Variants in TGFBI observed in about 807,000 individuals in gnomAD.
TGFBI encodes the protein transforming growth factor-beta-induced protein ig-h3.
Under a neutral mutation model 73.7 loss-of-function variants are expected in TGFBI, and 50 were observed. The observed-to-expected ratio is 0.68, with a 90% CI of 0.54 to 0.86. TGFBI has a LOEUF of 0.86. TGFBI is among the 40% of genes least tolerant of loss of function. The pLI, the probability that TGFBI is intolerant of heterozygous loss-of-function variation, is 0.00. For synonymous variants in TGFBI, 362 were observed against 360.5 expected, an observed-to-expected ratio of 1.00 and a Z score of -0.05; for missense variants, 839 against 877.0, an observed-to-expected ratio of 0.96 and a Z score of 0.55.
chr5:136,047,574 A>G, intron 6 of TGFBI, 154 bp downstream of exon 6: 1 of 868,682 alleles, frequency 1.2e-6, no homozygotes, highest in Non-Finnish European at 1.8e-6. Flanking sequence ...TGGAGAATTC[A>G]TTGACCAGAC....
Position 136,062,647 on chromosome 5 carries a change from T to A in TGFBI, c.1987-16T>A. On this transcript the variant is annotated splice_polypyrimidine_tract_variant and intron_variant, in intron 15 of 16. Transcript: ENST00000442011. ...AACTTTCACTAGAAAACCTGACACC[T>A]TGTGTTTTCTTTCAGGCTTCCCAGA... 1 of 1,560,646 alleles carries A rather than the reference T, an allele frequency of 6.4e-7. No homozygotes were observed. The highest frequency in any genetic ancestry group is 2.4e-5 in the East Asian group (1 of 42,198).
chr5:136,033,319 G>C lies in TGFBI; in HGVS notation c.135-444G>C, dbSNP rs1057239788. Reference sequence around the variant, plus strand: ...TTAAATGGGAGAGCATCCCCTATCAGGGTCCTGAGAGCAACCAGCCATGGT... The same window carrying C: ...TTAAATGGGAGAGCATCCCCTATCACGGTCCTGAGAGCAACCAGCCATGGT... On this transcript the variant is annotated intron_variant, in intron 1 of 16. Transcript: ENST00000442011. Among the ~76,000 whole-genome samples the C allele has an allele frequency of 1.2e-4, 18 of 152,130 alleles. 2 individuals carry two copies. Among genetic ancestry groups the C allele is most frequent in the Admixed American group, 1.0e-3 (16 of 15,274 alleles).
Position 136,047,333 on chromosome 5 carries a change from G to C in TGFBI, c.684G>C (p.Val228=). 6.2e-7 allele frequency: 1 copy of C among 1,613,740 alleles called. No homozygotes were observed. Among genetic ancestry groups the C allele is most frequent in the Non-Finnish European group, 8.5e-7 (1 of 1,179,836 alleles). The change falls in exon 6 of 17, where the codon GTG becomes GTC. Residue 228 remains valine (V), a synonymous_variant. Coordinates refer to ENST00000442011, the MANE Select transcript of TGFBI (RefSeq NM_000358.3). The part of the protein sequence containing the change: ...LKADHHATNG[V]VHLIDKVIST... Reference sequence around the variant, plus strand: ...CCGACCACCATGCAACCAACGGGGTGGTGCACCTCATCGATAAGGTCATCT... The same window carrying C: ...CCGACCACCATGCAACCAACGGGGTCGTGCACCTCATCGATAAGGTCATCT...
intron 1 of TGFBI, 45 bp downstream of exon 1, chr5:136,029,234 C>T: frequency 7.0e-7 from 1 of 1,424,692 alleles, no homozygotes. Context: ...GTCAGGTAGT[C>T]GGGGCTCGGA....
In TGFBI at chr5:136,049,551, G is replaced by A. The variant is rs754690721; in HGVS notation, c.884G>A (p.Arg295His). The A allele has an allele frequency of 1.3e-5, 21 of 1,613,624 alleles. No homozygotes were observed. Among genetic ancestry groups the A allele is most frequent in the East Asian group, 4.5e-5 (2 of 44,890 alleles). Reference sequence around the variant, plus strand: ...AAGATCCCTAGTGAGACTTTGAACCGTATCCTGGGCGACCCAGAAGCCCTG... The same window carrying A: ...AAGATCCCTAGTGAGACTTTGAACCATATCCTGGGCGACCCAGAAGCCCTG... ...FEKIPSETLN[R>H]ILGDPEALRD... The change falls in exon 7 of 17, where the codon CGT becomes CAT. Residue 295 changes from arginine (R) to histidine (H), a missense_variant. Coordinates refer to ENST00000442011, the MANE Select transcript of TGFBI (RefSeq NM_000358.3).
chr5:136,035,688 A>G (rs1751208448), intron 2 of TGFBI, among the ~76,000 whole-genome samples: 1 of 151,874 alleles, frequency 6.6e-6, no homozygotes, highest in African/African-American at 2.4e-5. Context: ...CCATGTGTGT[A>G]TATTATCTAC....
chr5:136,062,603 C>T (rs1358507611), intron 15 of TGFBI, 60 bp from the exon 16 acceptor site: 19 of 1,529,840 alleles, frequency 1.2e-5, no homozygotes, highest in Non-Finnish European at 1.7e-5. Context: ...AAGCCATTGT[C>T]ATAAGCAGTT....
In TGFBI at chr5:136,031,601, T is replaced by A. The variant is rs145223000; in HGVS notation, c.135-2162T>A. 6.6e-5 allele frequency among the ~76,000 whole-genome samples: 10 copies of A among 152,328 alleles called. 1 individual carries two copies. The East Asian group carries it at 1.9e-3, about 29-fold the overall frequency. ...GAGTAATAACTATGATATGGTCTCT[T>A]GACTCCCAGCTATATCTGTGTTGCT... On this transcript the variant is annotated intron_variant, in intron 1 of 16. Transcript: ENST00000442011.
In TGFBI at chr5:136,046,385, A is replaced by G; in HGVS notation, c.349A>G (p.Thr117Ala). 2 of 1,613,898 alleles carry G rather than the reference A, an allele frequency of 1.2e-6. No individual in the cohort carries two copies. Among genetic ancestry groups the G allele is most frequent in the Non-Finnish European group, 1.7e-6 (2 of 1,179,880 alleles). The change falls in exon 4 of 17, where the codon ACC (threonine) becomes GCC (alanine). Residue 117 changes from threonine (T) to alanine (A), a missense_variant. Physicochemically the swap from Thr to Ala is moderately conservative, Grantham distance 58 (BLOSUM62 0). Transcript: ENST00000442011. Reference sequence around the variant, plus strand: ...GACCCTGGGAGTCGTTGGATCCACCACCACTCAGCTGTACACGGACCGCAC... The same window carrying G: ...GACCCTGGGAGTCGTTGGATCCACCGCCACTCAGCTGTACACGGACCGCAC... Reference protein sequence around the residue: ...YETLGVVGSTTTQLYTDRTEK... With the variant: ...YETLGVVGSTATQLYTDRTEK...
Position 136,060,871 on chromosome 5 carries a change from C to A in TGFBI, c.1841C>A (p.Ala614Asp), listed in dbSNP as rs947453339. ...NVVSVNKEPV[A>D]EPDIMATNGV... ...GTGAGTGTCAACAAGGAGCCTGTTGCCGAGCCTGACATCATGGCCACAAAT... is the reference window on the plus strand; with the variant it reads ...GTGAGTGTCAACAAGGAGCCTGTTGACGAGCCTGACATCATGGCCACAAAT... The change falls in exon 14 of 17, where the codon GCC (alanine) becomes GAC (aspartate). Residue 614 changes from alanine (A) to aspartate (D), a missense_variant. Ala to Asp is a moderately radical substitution (Grantham distance 126, BLOSUM62 -2). Coordinates refer to ENST00000442011, the MANE Select transcript of TGFBI (RefSeq NM_000358.3). 2 of 1,602,106 alleles carry A rather than the reference C, an allele frequency of 1.2e-6. No homozygotes were observed. Among genetic ancestry groups the A allele is most frequent in the Non-Finnish European group, 1.7e-6 (2 of 1,171,382 alleles).
intron 2 of TGFBI, among the ~76,000 whole-genome samples, chr5:136,038,720 CAAA>C (rs35433510): frequency 7.1e-6 from 1 of 140,018 alleles, no homozygotes. Flanking sequence ...GACTCCATCT[CAAA>C]AAAAAAAAAA....
rs7854 is a variant in TGFBI, at chr5:136,063,684, G to A, written c.*458G>A. On this transcript the variant is annotated 3_prime_UTR_variant, in exon 17 of 17. Coordinates refer to ENST00000442011, the MANE Select transcript of TGFBI (RefSeq NM_000358.3). The stretch of plus-strand genomic sequence containing the variant: ...TGAGTTGAAATGTTCTGTCAAATGT[G>A]TCTCACATCTACACGTGGCTTGGAG... The A allele has an allele frequency of 0.011, 1,708 of 161,004 alleles. 38 individuals are homozygous for A. Among genetic ancestry groups the A allele is most frequent in the East Asian group, 0.08 (450 of 5,594 alleles). The allele number at this position is 161,004 out of a possible 1,614,324, so 10.0% of individuals were successfully genotyped here. A position where few individuals can be genotyped will look rare whatever the true frequency, so the allele number is the denominator to read the frequency against.
chr5:136,046,827 C>A (rs1172629652), intron 4 of TGFBI, 24 bp from the exon 5 acceptor site: 1 of 1,606,732 alleles, frequency 6.2e-7, no homozygotes, highest in Non-Finnish European at 8.5e-7. Context: ...CAGCCCCTAA[C>A]TGACACCCTG....
At chr5:136,057,015 G>T (rs915476428) in intron 12 of TGFBI, among the ~76,000 whole-genome samples, 1 of 152,170 alleles carries the variant, frequency 6.6e-6, no homozygotes, top group African/African-American at 2.4e-5. Flanking sequence ...CTGGGGGAAT[G>T]GGAGGATGAG....
rs538567513 is a variant in TGFBI, at chr5:136,054,699, A to T, written c.1265-17A>T. The T allele has an allele frequency of 6.2e-7, 1 of 1,613,934 alleles. No homozygotes were observed. Among genetic ancestry groups the T allele is most frequent in the African/African-American group, 1.3e-5 (1 of 75,036 alleles). ...GGAGCACATCTCTCTGGACCTAACCATCACCCTTTCTTGTAGATGGAACCC... is the reference window on the plus strand; with the variant it reads ...GGAGCACATCTCTCTGGACCTAACCTTCACCCTTTCTTGTAGATGGAACCC... On this transcript the variant is annotated splice_polypyrimidine_tract_variant and intron_variant, in intron 9 of 16. Coordinates refer to ENST00000442011, the MANE Select transcript of TGFBI (RefSeq NM_000358.3).
intron 3 of TGFBI, among the ~76,000 whole-genome samples, chr5:136,044,445 TCTAAACA>T (rs1441901596): frequency 1.3e-5 from 2 of 152,232 alleles, no homozygotes; most frequent in African/African-American, 4.8e-5. Flanking sequence ...TGGGAGTGAT[TCTAAACA>T]CATCCAGCAG....
intron 2 of TGFBI, among the ~76,000 whole-genome samples, chr5:136,042,314 TA>T (rs1235570828): frequency 6.6e-6 from 1 of 152,196 alleles, no homozygotes; most frequent in African/African-American, 2.4e-5. Context: ...AAGTAACTTT[TA>T]AAATCATCTA....
intron 11 of TGFBI, 26 bp downstream of exon 11, chr5:136,055,842 G>C (rs376079991): frequency 1.3e-6 from 2 of 1,581,262 alleles, no homozygotes; most frequent in Non-Finnish European, 1.7e-6. Flanking sequence ...CCCGGGTGGA[G>C]CTTCTGCCCA....
intron 1 of TGFBI, among the ~76,000 whole-genome samples, chr5:136,030,424 T>C (rs972835622): frequency 6.6e-6 from 1 of 152,132 alleles, no homozygotes; most frequent in African/African-American, 2.4e-5. Flanking sequence ...GGTCTAGGCC[T>C]TTCAGGAGTT....
Sources: gnomAD v4.1 joint callset for allele counts (sites outside exome capture counted in the v4.1 genomes callset) on GRCh38, gnomAD v4.1.1 for gene constraint, MANE v1.5 for transcripts, NCBI Gene and HGNC (gene_info 2026-07-23, HGNC 2026-07-21) for gene names.